COBLL1: variants seen among roughly 807,000 people sequenced by gnomAD.
COBLL1 encodes cordon-bleu protein-like 1.
Under a neutral mutation model 94.8 loss-of-function variants are expected in COBLL1, and 50 were observed. The ratio of observed to expected loss-of-function variants is 0.53; its 90% confidence interval spans 0.42 to 0.67. COBLL1 has a LOEUF of 0.67. Among genes scored for constraint, COBLL1 ranks in the 30% least tolerant of loss-of-function variants. The pLI is 0.00. For missense variants in COBLL1, 1,362 were observed against 1,348.7 expected, an observed-to-expected ratio of 1.01 and a Z score of -0.15; for synonymous variants, 448 against 473.8, an observed-to-expected ratio of 0.95 and a Z score of 0.71.
chr2:164,738,333 A>G (rs753639199), intron 3 of COBLL1: 1 of 152,228 alleles, frequency 6.6e-6, no homozygotes, highest in Non-Finnish European at 1.5e-5. Context: ...TACTTATTCA[A>G]TGAGGAATAA....
intron 2 of COBLL1, among the ~76,000 whole-genome samples, chr2:164,813,261 T>C (rs1221397080): frequency 6.6e-6 from 1 of 152,056 alleles, no homozygotes; most frequent in Non-Finnish European, 1.5e-5. Flanking sequence ...AAATTTTGGT[T>C]TAATCAACAA....
chr2:164,675,708 T>C (rs1354202459), downstream of COBLL1, among the ~76,000 whole-genome samples: 1 of 152,236 alleles, frequency 6.6e-6, no homozygotes, highest in Non-Finnish European at 1.5e-5. Context: ...GACTAGGTTT[T>C]TGAGGTCTCT....
At chr2:164,723,560 T>C (rs1210978907) in intron 5 of COBLL1, 1 of 152,118 alleles carries the variant, frequency 6.6e-6, no homozygotes, top group Non-Finnish European at 1.5e-5. Flanking sequence ...AGGAACCAAC[T>C]TGAGACAGTT....
intron 2 of COBLL1, among the ~76,000 whole-genome samples, chr2:164,778,149 T>A (rs1434931434): frequency 6.6e-6 from 1 of 152,138 alleles, no homozygotes; most frequent in Non-Finnish European, 1.5e-5. Flanking sequence ...GACAGACTGA[T>A]CAGGGGAAAC....
intron 7 of COBLL1, among the ~76,000 whole-genome samples, chr2:164,711,495 T>A (rs533954421): frequency 4.1e-4 from 62 of 152,326 alleles, no homozygotes; most frequent in Middle Eastern, 6.8e-3. Context: ...GTCTACTGTA[T>A]AAACATTCAT....
intron 2 of COBLL1, among the ~76,000 whole-genome samples, chr2:164,779,038 T>G (rs561905075): frequency 6.6e-6 from 1 of 152,254 alleles, no homozygotes; most frequent in East Asian, 1.9e-4. Flanking sequence ...ATTTTTGAAT[T>G]TGACAGTCAT....
Position 164,712,944 on chromosome 2 carries a change from T to TAC in COBLL1, c.997-7841_997-7840dup, listed in dbSNP as rs531668537. 6.5e-3 allele frequency among the ~76,000 whole-genome samples: 988 copies of TAC among 152,148 alleles called. 6 individuals carry two copies. The highest frequency in any genetic ancestry group is 0.014 in the South Asian group (68 of 4,830). On this transcript the variant is annotated intron_variant, in intron 7 of 13. Coordinates refer to ENST00000652658, the MANE Select transcript of COBLL1 (RefSeq NM_001365672.2). ...CCTGTATATACATGATGCACATAGA[T>TAC]ACACACACACACGTGCATGCAAATT...
chr2:164,659,445 TAA>T (rs1320105513), intron 2 of COBLL1, among the ~76,000 whole-genome samples: 1 of 152,212 alleles, frequency 6.6e-6, no homozygotes, highest in African/African-American at 2.4e-5. Flanking sequence ...GTGGCTGGGT[TAA>T]GAGTTGCACA....
chr2:164,824,413 T>C (rs1027886668), intron 2 of COBLL1, among the ~76,000 whole-genome samples: 11 of 150,718 alleles, frequency 7.3e-5, no homozygotes, highest in Non-Finnish European at 1.5e-4. Flanking sequence ...TCTAGAAGGA[T>C]GCAATCTATC....
chr2:164,778,879 C>A (rs965018116), intron 2 of COBLL1, among the ~76,000 whole-genome samples: 1 of 151,832 alleles, frequency 6.6e-6, no homozygotes. Context: ...ATTTAGTGAC[C>A]GAGTCACAGG....
At chr2:164,774,179 T>C (rs932250446) in intron 2 of COBLL1, among the ~76,000 whole-genome samples, 1 of 152,092 alleles carries the variant, frequency 6.6e-6, no homozygotes, top group Non-Finnish European at 1.5e-5. Context: ...GAAAGCTGAG[T>C]ATATAAAAAT....
At chr2:164,706,243 G>T (rs1684593560) in intron 7 of COBLL1, among the ~76,000 whole-genome samples, 1 of 152,060 alleles carries the variant, frequency 6.6e-6, no homozygotes, top group African/African-American at 2.4e-5. Flanking sequence ...ATTAAACAAA[G>T]CTGACCACCC....
At position 164,841,068 on chromosome 2, in the gene COBLL1, T is replaced by C. The variant is rs935387847; in HGVS notation, c.41+88A>G. The C allele has an allele frequency of 3.3e-3, 4,001 of 1,196,770 alleles. 11 individuals are homozygous for C. Among genetic ancestry groups the C allele is most frequent in the Non-Finnish European group, 4.0e-3 (3,814 of 957,826 alleles). The allele number at this position is 1,196,770 out of a possible 1,614,324, so 74.1% of individuals were successfully genotyped here. A position where few individuals can be genotyped will look rare whatever the true frequency, so the allele number is the denominator to read the frequency against. On this transcript the variant is annotated intron_variant, in intron 2 of 13. Coordinates refer to ENST00000652658, the MANE Select transcript of COBLL1 (RefSeq NM_001365672.2). This position sits in a 1 kb window ranked among gnomAD's most constrained non-coding sequence, Gnocchi z 5.5. ...GTCAGGCCGCCGGCAGGGCAGCGAG[T>C]TGCCAGCCAGGTGAAACGGCCGAGG...
intron 2 of COBLL1, chr2:164,779,771 T>A (rs1472021161): frequency 2.1e-6 from 1 of 470,438 alleles, no homozygotes; most frequent in Admixed American, 2.4e-5. Context: ...TCAGCCTCTG[T>A]CCCAATAACT....
At position 164,728,176 on chromosome 2, in the gene COBLL1, T is replaced by C; in HGVS notation, c.454A>G (p.Asn152Asp). 1 of 1,612,110 alleles carries C rather than the reference T, an allele frequency of 6.2e-7. No individual in the cohort carries two copies. Among genetic ancestry groups the C allele is most frequent in the South Asian group, 1.1e-5 (1 of 90,992 alleles). The change falls in exon 5 of 14, where the codon AAT becomes GAT. Residue 152 changes from asparagine to aspartate, a missense_variant. By Grantham distance (23) the Asn-to-Asp change is conservative. Coordinates refer to ENST00000652658, the MANE Select transcript of COBLL1 (RefSeq NM_001365672.2). ...IPEKTVRVVI[N>D]FKKTQKTIVR... is the part of the protein sequence containing the mutation. Reference sequence around the variant, plus strand: ...ATGGTCTTCTGTGTTTTCTTAAAATTAATCACTACTCTCACAGTTTTCTGA... The same window carrying C: ...ATGGTCTTCTGTGTTTTCTTAAAATCAATCACTACTCTCACAGTTTTCTGA...
chr2:164,705,498 G>A (rs559951225), intron 7 of COBLL1: 1 of 153,416 alleles, frequency 6.5e-6, no homozygotes, highest in East Asian at 1.9e-4. Flanking sequence ...CTTTACAGCT[G>A]CAGTGTTTCA....
chr2:164,783,284 G>C (rs532630565), intron 2 of COBLL1, among the ~76,000 whole-genome samples: 1 of 152,118 alleles, frequency 6.6e-6, no homozygotes, highest in African/African-American at 2.4e-5. Context: ...GTGGTGACAC[G>C]TGCTTGTGGT....
Position 164,785,659 on chromosome 2 carries a change from G to A in COBLL1, c.42-41784C>T, listed in dbSNP as rs370717333. 1.4e-4 allele frequency among the ~76,000 whole-genome samples: 21 copies of A among 152,256 alleles called. No individual in the cohort carries two copies. In the South Asian group the frequency reaches 4.4e-3, roughly 32 times the overall value. ...AGAAGTTCCAAAAGTGAGAGACAAT[G>A]TAGCTGAGTACTTGCTATGGCAACA... On this transcript the variant is annotated intron_variant, in intron 2 of 13. Transcript: ENST00000652658.
chr2:164,755,085 A>G (rs1488185669), intron 2 of COBLL1, among the ~76,000 whole-genome samples: 1 of 152,184 alleles, frequency 6.6e-6, no homozygotes, highest in Non-Finnish European at 1.5e-5. Context: ...GGATCACTTA[A>G]GCCTGGGATG....
Sources: gnomAD v4.1 joint callset for allele counts (sites outside exome capture counted in the v4.1 genomes callset) on GRCh38, gnomAD v4.1.1 for gene constraint, Gnocchi (gnomAD v3.1) non-coding constraint, MANE v1.5 for transcripts, NCBI Gene and HGNC (gene_info 2026-07-23, HGNC 2026-07-21) for gene names.